The following TAFA1 variants were observed in gnomAD, a reference collection of about 807,000 sequenced individuals.
TAFA1 encodes chemokine-like protein TAFA-1.
In TAFA1, 4 loss-of-function variants were observed where a neutral mutation model predicts 18.5. The observed-to-expected ratio is 0.22, with a 90% CI of 0.11 to 0.49. The LOEUF (loss-of-function observed/expected upper bound fraction) is 0.49, where lower values mean the gene tolerates loss of function less well. Ranked by LOEUF, TAFA1 falls within the 20% of genes least tolerant of loss-of-function variation. The pLI, the probability that TAFA1 is intolerant of heterozygous loss-of-function variation, is 0.98. For missense variants in TAFA1, 147 were observed against 169.0 expected (o/e 0.87, Z 0.72); for synonymous variants, 56 against 55.2 (o/e 1.01, Z -0.06).
upstream of TAFA1, among the ~76,000 whole-genome samples, chr3:68,001,019 T>C (rs1014846629): frequency 1.2e-4 from 19 of 152,332 alleles, no homozygotes; most frequent in South Asian, 1.0e-3. Context: ...TTGTTTTTAT[T>C]ATTGCCAAAG....
rs560544547 is a variant in TAFA1, at chr3:68,338,204, A to G, written c.119-79076A>G. Among the ~76,000 whole-genome samples the G allele has an allele frequency of 1.1e-4, 16 of 152,228 alleles. No individual in the cohort carries two copies. The South Asian group carries it at 3.3e-3, about 32-fold the overall frequency. The stretch of plus-strand genomic sequence containing the variant: ...ACTTATGTAATGGAACTCATCCATC[A>G]CATTTTACAGAGCCTTTTTGATACG... On this transcript the variant is annotated intron_variant, in intron 2 of 4. Transcript: ENST00000478136.
intron 3 of TAFA1, among the ~76,000 whole-genome samples, chr3:68,509,231 G>T (rs555794913): frequency 6.6e-6 from 1 of 152,036 alleles, no homozygotes; most frequent in Admixed American, 6.6e-5. Context: ...TGGTCCCATG[G>T]GGAAAGAAAG....
chr3:68,261,233 T>G (rs1158503751), intron 2 of TAFA1, among the ~76,000 whole-genome samples: 1 of 152,260 alleles, frequency 6.6e-6, no homozygotes, highest in Admixed American at 6.5e-5. Flanking sequence ...TCACACCAGT[T>G]AGAATGGCAA....
chr3:68,514,545 T>A (rs753889825), intron 3 of TAFA1, among the ~76,000 whole-genome samples: 1 of 152,056 alleles, frequency 6.6e-6, no homozygotes, highest in South Asian at 2.1e-4. Context: ...TTTCTGGCCA[T>A]GAAATATAAG....
chr3:68,489,706 G>T lies in TAFA1; in HGVS notation c.260-49050G>T, dbSNP rs925966342. ...TCCTTAGCACAAAATCAAGGCAGTG[G>T]CACCAAAATATACTAGTAGCCATTG... On this transcript the variant is annotated intron_variant, in intron 3 of 4. Transcript: ENST00000478136. 2.0e-5 allele frequency among the ~76,000 whole-genome samples: 3 copies of T among 152,266 alleles called. No individual in the cohort carries two copies. The East Asian group carries it at 5.8e-4, about 29-fold the overall frequency.
chr3:67,994,649 A>G, the TAFA1 span, among the ~76,000 whole-genome samples: 1 of 152,338 alleles, frequency 6.6e-6, no homozygotes, highest in Non-Finnish European at 1.5e-5. Context: ...CCTCATCCTG[A>G]CAGGTTGGTG....
At chr3:68,329,688 TG>T (rs1221216173) in intron 2 of TAFA1, among the ~76,000 whole-genome samples, 2 of 152,218 alleles carry the variant, frequency 1.3e-5, no homozygotes, top group Non-Finnish European at 2.9e-5. Context: ...CAATACTAGC[TG>T]CTGGTTAACC....
intron 2 of TAFA1, among the ~76,000 whole-genome samples, chr3:68,401,082 G>A (rs1050230595): frequency 3.9e-5 from 6 of 152,192 alleles, no homozygotes; most frequent in South Asian, 2.1e-4. Context: ...CCACCAACTC[G>A]TGGAGTTTTC....
intron 2 of TAFA1, among the ~76,000 whole-genome samples, chr3:68,138,950 G>A (rs141137301): frequency 1.3e-5 from 2 of 152,278 alleles, no homozygotes; most frequent in Admixed American, 6.5e-5. Flanking sequence ...ATGGGCCTCT[G>A]TCAAAGGGAG....
At chr3:68,471,386 T>A (rs1291225222) in intron 3 of TAFA1, among the ~76,000 whole-genome samples, 1 of 152,090 alleles carries the variant, frequency 6.6e-6, no homozygotes, top group Non-Finnish European at 1.5e-5. Flanking sequence ...GATCCACTGA[T>A]GACTTGCACC....
At chr3:68,210,950 C>G (rs1386610301) in intron 2 of TAFA1, among the ~76,000 whole-genome samples, 1 of 151,902 alleles carries the variant, frequency 6.6e-6, no homozygotes, top group Non-Finnish European at 1.5e-5. Context: ...CTGGAAGACC[C>G]AGTGCTAAGA....
At chr3:68,052,856 T>C (rs1169173475) in intron 2 of TAFA1, among the ~76,000 whole-genome samples, 1 of 152,152 alleles carries the variant, frequency 6.6e-6, no homozygotes, top group African/African-American at 2.4e-5. Flanking sequence ...GACTTACTAA[T>C]TAATAAGGGG....
intron 2 of TAFA1, among the ~76,000 whole-genome samples, chr3:68,256,625 GT>G (rs1399222135): frequency 6.6e-6 from 1 of 152,134 alleles, no homozygotes; most frequent in East Asian, 1.9e-4. Context: ...CTTGTACATA[GT>G]TTAATGTACA....
chr3:68,395,507 A>G (rs12014326), intron 2 of TAFA1, among the ~76,000 whole-genome samples: 1 of 152,002 alleles, frequency 6.6e-6, no homozygotes, highest in Middle Eastern at 3.4e-3. Flanking sequence ...ACATGCACAC[A>G]TACGTTTACT....
intron 2 of TAFA1, among the ~76,000 whole-genome samples, chr3:68,178,131 G>A (rs115156647): frequency 0.05 from 7,532 of 149,472 alleles, 585 homozygotes; most frequent in African/African-American, 0.17. Context: ...GTGAGAGTGC[G>A]AGACTCCATC....
chr3:68,524,270 C>A (rs1390755961), intron 3 of TAFA1, among the ~76,000 whole-genome samples: 1 of 152,086 alleles, frequency 6.6e-6, no homozygotes, highest in African/African-American at 2.4e-5. Context: ...TTCTAAAGAG[C>A]AGTAAGCCCC....
At chr3:68,219,878 C>G (rs751915068) in intron 2 of TAFA1, among the ~76,000 whole-genome samples, 1 of 152,088 alleles carries the variant, frequency 6.6e-6, no homozygotes, top group Non-Finnish European at 1.5e-5. Flanking sequence ...CCAAGTTTGT[C>G]TCAGCACTGG....
At chr3:68,018,645 C>T (rs1196097380) in intron 2 of TAFA1, among the ~76,000 whole-genome samples, 2 of 152,172 alleles carry the variant, frequency 1.3e-5, no homozygotes, top group Non-Finnish European at 2.9e-5. Context: ...ATGCCTGAAA[C>T]AGTGTGGCAC....
chr3:68,012,785 A>T (rs62249389), intron 2 of TAFA1, among the ~76,000 whole-genome samples: 19,491 of 152,176 alleles, frequency 0.13, 1,631 homozygotes, highest in Non-Finnish European at 0.17. Context: ...GAGAATAAGT[A>T]GGAAAATATC....
Sources: gnomAD v4.1 joint callset for allele counts (sites outside exome capture counted in the v4.1 genomes callset) on GRCh38, gnomAD v4.1.1 for gene constraint, MANE v1.5 for transcripts, NCBI Gene and HGNC (gene_info 2026-07-23, HGNC 2026-07-21) for gene names.